Variants in GSE1 observed in about 807,000 individuals in gnomAD.
GSE1 encodes genetic suppressor element 1.
GSE1 carries 32 observed loss-of-function variants against 112.6 expected under a neutral mutation model. The ratio of observed to expected loss-of-function variants is 0.28; its 90% CI spans 0.21 to 0.38. GSE1 has a LOEUF of 0.38. Among genes scored for constraint, GSE1 ranks in the 10% least tolerant of loss-of-function variants. The pLI is 1.00. For missense variants in GSE1, 2,348 were observed against 1,699.2 expected, an observed-to-expected ratio of 1.38 and a Z score of -6.71; for synonymous variants, 1,115 against 735.6, an observed-to-expected ratio of 1.52 and a Z score of -8.35.
chr16:85,328,252 C>T (rs112316963), intron 1 of GSE1, among the ~76,000 whole-genome samples: 2,497 of 152,308 alleles, frequency 0.016, 65 homozygotes, highest in African/African-American at 0.056. Flanking sequence ...CCAGACGGGG[C>T]GAAAGGGCCT....
At chr16:85,633,475 T>C (rs2049718941) in intron 1 of GSE1, among the ~76,000 whole-genome samples, 1 of 152,218 alleles carries the variant, frequency 6.6e-6, no homozygotes, top group African/African-American at 2.4e-5. Context: ...TTGTCTTGGT[T>C]CCCGTCGTCC....
chr16:85,188,606 A>G (rs569711631), intron 1 of GSE1, among the ~76,000 whole-genome samples: 6 of 152,042 alleles, frequency 3.9e-5, no homozygotes, highest in African/African-American at 1.4e-4. Context: ...GTTAAAGACT[A>G]GCCTGGGCAA....
chr16:85,623,988 T>C (rs564780794), intron 1 of GSE1, among the ~76,000 whole-genome samples: 14 of 152,184 alleles, frequency 9.2e-5, no homozygotes, highest in Non-Finnish European at 1.8e-4. Flanking sequence ...GAGACGTCCT[T>C]GGATCCTCTC....
chr16:85,294,584 C>T (rs984623993), intron 1 of GSE1, among the ~76,000 whole-genome samples: 5 of 151,250 alleles, frequency 3.3e-5, no homozygotes, highest in Admixed American at 1.3e-4. Flanking sequence ...GGGTCACATT[C>T]AGCCTTCCTG....
intron 1 of GSE1, among the ~76,000 whole-genome samples, chr16:85,206,927 G>T (rs1025335752): frequency 1.3e-5 from 2 of 151,494 alleles, no homozygotes; most frequent in African/African-American, 4.8e-5. Flanking sequence ...GTGGGCCAGC[G>T]CCGGTGGCCA....
intron 1 of GSE1, among the ~76,000 whole-genome samples, chr16:85,234,772 G>T (rs929886505): frequency 6.6e-6 from 1 of 152,208 alleles, no homozygotes; most frequent in African/African-American, 2.4e-5. Flanking sequence ...GCAGCAGGGA[G>T]GAGCCGGCAG....
chr16:85,531,267 T>A (rs1472805820), intron 2 of GSE1, among the ~76,000 whole-genome samples: 3 of 152,126 alleles, frequency 2.0e-5, no homozygotes, highest in Non-Finnish European at 4.4e-5. Context: ...TACCCATCTG[T>A]CCTGTGTCCT....
chr16:85,628,298 C>T (rs926156253), intron 1 of GSE1, among the ~76,000 whole-genome samples: 5 of 152,252 alleles, frequency 3.3e-5, no homozygotes, highest in Non-Finnish European at 4.4e-5. Flanking sequence ...CCCAGGCTCA[C>T]AGCTCCTCAG....
At chr16:85,418,241 G>A (rs528077470) in intron 2 of GSE1, among the ~76,000 whole-genome samples, 2 of 152,364 alleles carry the variant, frequency 1.3e-5, no homozygotes, top group South Asian at 2.1e-4. Flanking sequence ...GAAGCGTGCT[G>A]AGCAGTCTTT....
chr16:85,252,693 A>T (rs1906619228), intron 1 of GSE1, among the ~76,000 whole-genome samples: 2 of 152,214 alleles, frequency 1.3e-5, no homozygotes, highest in Admixed American at 1.3e-4. Context: ...TGGGGACGGC[A>T]CAGCAAAGCT....
intron 14 of GSE1, among the ~76,000 whole-genome samples, chr16:85,670,021 T>G (rs929865): frequency 0.38 from 58,318 of 152,156 alleles, 12,200 homozygotes; most frequent in East Asian, 0.7. Context: ...AAGAGTCCTG[T>G]TAGATTTTCA....
chr16:85,434,277 G>C (rs1055921216), intron 2 of GSE1, among the ~76,000 whole-genome samples: 3 of 151,242 alleles, frequency 2.0e-5, no homozygotes, highest in Admixed American at 1.3e-4. Flanking sequence ...ACCATCTAGG[G>C]CATGGCCTAG....
chr16:85,668,025 C>T (rs1490967844), intron 13 of GSE1, 115 bp from the exon 14 acceptor site: 19 of 775,328 alleles, frequency 2.5e-5, no homozygotes, highest in South Asian at 7.5e-5. Context: ...TCTTGGTCCC[C>T]GGAGCCCTGC....
intron 1 of GSE1, among the ~76,000 whole-genome samples, chr16:85,308,912 T>C (rs1272272992): frequency 2.0e-5 from 3 of 148,584 alleles, no homozygotes; most frequent in African/African-American, 7.5e-5. Flanking sequence ...ACAAGCCATT[T>C]AGAGTGTGAC....
intron 1 of GSE1, among the ~76,000 whole-genome samples, chr16:85,332,667 G>A (rs543617925): frequency 5.3e-5 from 8 of 152,256 alleles, no homozygotes; most frequent in Admixed American, 2.0e-4. Context: ...GCGCCACACC[G>A]AGGGGACTGG....
In GSE1 at chr16:85,419,983, T is replaced by C. The variant is rs1567471277; in HGVS notation, c.2464+62340T>C. ...TCTGAGGCCCAGCTGGCAGTTATCA[T>C]GGGTCTGTGAATGCTGAGCTTGACA... On this transcript the variant is annotated intron_variant, in intron 2 of 2. Coordinates refer to the GSE1 transcript ENST00000637419. This position sits in a 1 kb window ranked among gnomAD's most constrained non-coding sequence, Gnocchi z 6.5. Among the ~76,000 whole-genome samples, 1 of 152,202 alleles carries C rather than the reference T, an allele frequency of 6.6e-6. No homozygotes were observed. The highest frequency in any genetic ancestry group is 1.5e-5 in the Non-Finnish European group (1 of 68,030).
At chr16:85,309,878 GTGGCGGGCGCCCCC>G (rs1453652379) in intron 1 of GSE1, among the ~76,000 whole-genome samples, 1 of 152,256 alleles carries the variant, frequency 6.6e-6, no homozygotes, top group Non-Finnish European at 1.5e-5. Context: ...AGCTGGCGAA[GTGGCGGGCGCCCCC>G]TTGCCACCCC....
chr16:85,478,893 TTC>T lies in GSE1; in HGVS notation c.2464+121252_2464+121253del, dbSNP rs764507054. ...TTTCTTTCTTTCTTTCTTTCTTTCTTTCTTTCTTTCTTTCTTTCTTTCTTTCT... is the reference window on the plus strand; with the variant it reads ...TTTCTTTCTTTCTTTCTTTCTTTCTTTTTCTTTCTTTCTTTCTTTCTTTCT... On this transcript the variant is annotated intron_variant, in intron 2 of 2. Coordinates refer to the GSE1 transcript ENST00000637419. Among the ~76,000 whole-genome samples, 562 of 78,210 alleles carry T rather than the reference TTC, an allele frequency of 7.2e-3. 16 individuals carry two copies. Among genetic ancestry groups the T allele is most frequent in the South Asian group, 0.019 (48 of 2,514 alleles). 51.3% of individuals were successfully genotyped at this position (78,210 alleles called of 152,430 possible).
chr16:85,608,512 A>G (rs1260606911), upstream of GSE1, among the ~76,000 whole-genome samples: 1 of 151,786 alleles, frequency 6.6e-6, no homozygotes, highest in Non-Finnish European at 1.5e-5. Context: ...TAGACCTGAA[A>G]CCGCTTGAGA....
Sources: gnomAD v4.1 joint callset for allele counts (sites outside exome capture counted in the v4.1 genomes callset) on GRCh38, gnomAD v4.1.1 for gene constraint, Gnocchi (gnomAD v3.1) non-coding constraint, MANE v1.5 for transcripts, NCBI Gene and HGNC (gene_info 2026-07-23, HGNC 2026-07-21) for gene names.